NARS2: variants seen among roughly 807,000 people sequenced by gnomAD.
NARS2 encodes asparaginyl-tRNA synthetase 2, mitochondrial, also known as asparaginyl-tRNA synthetase.
In NARS2, 60 loss-of-function variants were observed where a neutral mutation model predicts 62.9. That is an observed-to-expected ratio of 0.95 (90% CI 0.77 to 1.18). The LOEUF is 1.18. Among genes scored for constraint, NARS2 ranks in the 50% most tolerant of loss-of-function variants. NARS2 has a pLI of 0.00. For missense variants in NARS2, 619 were observed against 576.4 expected (o/e 1.07, Z -0.76); for synonymous variants, 196 against 200.0 (o/e 0.98, Z 0.17).
chr11:78,512,579 A>G (rs1860758236), intron 6 of NARS2, among the ~76,000 whole-genome samples: 1 of 152,146 alleles, frequency 6.6e-6, no homozygotes, highest in Non-Finnish European at 1.5e-5. Context: ...CATTAAGCTT[A>G]TAAAACTAGT....
intron 5 of NARS2, among the ~76,000 whole-genome samples, chr11:78,553,014 G>T (rs956380651): frequency 2.0e-5 from 3 of 152,148 alleles, no homozygotes; most frequent in African/African-American, 7.2e-5. Context: ...TCTGCTTTTA[G>T]CTCTTTCAGA....
At chr11:78,461,727 G>C (rs1858406044) in intron 11 of NARS2, among the ~76,000 whole-genome samples, 1 of 149,358 alleles carries the variant, frequency 6.7e-6, no homozygotes, top group Non-Finnish European at 1.5e-5. Context: ...CGGATGGACT[G>C]CCTGAGCTCA....
intron 10 of NARS2, among the ~76,000 whole-genome samples, chr11:78,467,973 T>G (rs1401478061): frequency 1.3e-5 from 2 of 150,482 alleles, no homozygotes; most frequent in Admixed American, 1.3e-4. Flanking sequence ...CCTCTTAAAG[T>G]GTTGGGATTA....
chr11:78,522,119 ATTTTTT>A (rs59159824), intron 6 of NARS2, among the ~76,000 whole-genome samples: 15 of 134,960 alleles, frequency 1.1e-4, no homozygotes, highest in African/African-American at 3.6e-4. Flanking sequence ...CATCCAGCTA[ATTTTTT>A]TTTTTTTTTT....
At chr11:78,455,891 C>T (rs1331985467) in intron 11 of NARS2, among the ~76,000 whole-genome samples, 1 of 151,486 alleles carries the variant, frequency 6.6e-6, no homozygotes, top group Non-Finnish European at 1.5e-5. Context: ...ACTCGATAAA[C>T]ATTATTGTTT....
At chr11:78,454,711 C>T (rs566033530) in intron 11 of NARS2, among the ~76,000 whole-genome samples, 5 of 151,744 alleles carry the variant, frequency 3.3e-5, no homozygotes, top group South Asian at 2.1e-4. Context: ...CTCCACCTCC[C>T]GGGTTCAAGC....
chr11:78,466,510 TGGCTGTGTCG>T (rs1488945851), intron 10 of NARS2, among the ~76,000 whole-genome samples: 1 of 152,182 alleles, frequency 6.6e-6, no homozygotes, highest in Non-Finnish European at 1.5e-5. Flanking sequence ...AGACAGAGTC[TGGCTGTGTCG>T]CCCAGGCTAG....
At chr11:78,549,307 G>C (rs1856002315) in intron 5 of NARS2, among the ~76,000 whole-genome samples, 1 of 152,236 alleles carries the variant, frequency 6.6e-6, no homozygotes. Context: ...AGGTCTTGTA[G>C]TGAGAATGAT....
chr11:78,484,215 C>A (rs1050173357), intron 7 of NARS2, among the ~76,000 whole-genome samples: 11 of 152,128 alleles, frequency 7.2e-5, no homozygotes, highest in Non-Finnish European at 1.5e-4. Flanking sequence ...GGACCCCTTC[C>A]TTACACCTTA....
At chr11:78,521,741 G>T (rs1016638153) in intron 6 of NARS2, among the ~76,000 whole-genome samples, 1 of 126,416 alleles carries the variant, frequency 7.9e-6, no homozygotes. Context: ...AGTGAGCCGA[G>T]ATCCCGCCAC....
intron 4 of NARS2, among the ~76,000 whole-genome samples, chr11:78,562,089 T>A (rs964021321): frequency 6.6e-6 from 1 of 151,854 alleles, no homozygotes; most frequent in African/African-American, 2.4e-5. Context: ...TCACAGGAAC[T>A]CAAAGGCATA....
chr11:78,467,485 C>A (rs1858668767), intron 10 of NARS2, among the ~76,000 whole-genome samples: 1 of 151,898 alleles, frequency 6.6e-6, no homozygotes, highest in Non-Finnish European at 1.5e-5. Context: ...CTGCAGTGAG[C>A]CATGTTTGCA....
intron 6 of NARS2, among the ~76,000 whole-genome samples, chr11:78,507,971 C>T (rs956305463): frequency 5.9e-5 from 9 of 152,030 alleles, no homozygotes; most frequent in African/African-American, 1.9e-4. Flanking sequence ...CTTAAAGACA[C>T]TTAAAGAACT....
At position 78,524,672 on chromosome 11, in the gene NARS2, A is replaced by G. The variant is rs1410457625; in HGVS notation, c.689+4170T>C. Among the ~76,000 whole-genome samples the G allele has an allele frequency of 2.0e-5, 3 of 152,110 alleles. No individual in the cohort carries two copies. The East Asian group carries it at 5.8e-4, about 29-fold the overall frequency. On this transcript the variant is annotated intron_variant, in intron 6 of 13. Coordinates refer to ENST00000281038, the MANE Select transcript of NARS2 (RefSeq NM_024678.6). ...AGCAAAATGCAATGAAAACTCACTTAGCTTTCTCTAGTTTAAAAAAAAAAA... is the reference window on the plus strand; with the variant it reads ...AGCAAAATGCAATGAAAACTCACTTGGCTTTCTCTAGTTTAAAAAAAAAAA...
At chr11:78,532,618 C>A (rs1861520570) in intron 5 of NARS2, among the ~76,000 whole-genome samples, 1 of 152,168 alleles carries the variant, frequency 6.6e-6, no homozygotes, top group Admixed American at 6.6e-5. Context: ...TTGTTTCTTC[C>A]TATTACAGAT....
intron 9 of NARS2, among the ~76,000 whole-genome samples, chr11:78,470,492 C>G (rs545592096): frequency 6.6e-6 from 1 of 152,042 alleles, no homozygotes; most frequent in East Asian, 1.9e-4. Flanking sequence ...AGATGTCATA[C>G]ATAACATACA....
chr11:78,485,633 T>C (rs1219813928), intron 7 of NARS2, among the ~76,000 whole-genome samples: 3 of 152,186 alleles, frequency 2.0e-5, no homozygotes, highest in Non-Finnish European at 4.4e-5. Flanking sequence ...AAGCTCCTAC[T>C]ACTAGTCTGG....
At chr11:78,544,147 G>A (rs1266706386) in intron 5 of NARS2, among the ~76,000 whole-genome samples, 1 of 151,530 alleles carries the variant, frequency 6.6e-6, no homozygotes, top group Admixed American at 6.6e-5. Context: ...CTTTTAACTG[G>A]TTTCTCTTCT....
At chr11:78,544,186 T>C (rs763217207) in intron 5 of NARS2, among the ~76,000 whole-genome samples, 1 of 152,146 alleles carries the variant, frequency 6.6e-6, no homozygotes, top group Admixed American at 6.6e-5. Context: ...TTAATCTCCA[T>C]ATAGCAGCCA....
Sources: gnomAD v4.1 joint callset for allele counts (sites outside exome capture counted in the v4.1 genomes callset) on GRCh38, gnomAD v4.1.1 for gene constraint, MANE v1.5 for transcripts, NCBI Gene and HGNC (gene_info 2026-07-23, HGNC 2026-07-21) for gene names.